MRRF: variants seen among roughly 807,000 people sequenced by gnomAD.
MRRF encodes mitochondrial ribosome recycling factor.
In MRRF, 18 loss-of-function variants were observed where a neutral mutation model predicts 25.1. The ratio of observed to expected loss-of-function variants is 0.72; its 90% CI spans 0.50 to 1.06. The LOEUF (loss-of-function observed/expected upper bound fraction) is 1.06. Ranked by LOEUF, MRRF falls within the 50% of genes least tolerant of loss-of-function variation. The pLI, the probability that MRRF is intolerant of heterozygous loss-of-function variation, is 0.00. For missense variants in MRRF, 323 were observed against 319.3 expected (o/e 1.01, Z -0.09); for synonymous variants, 113 against 112.1 (o/e 1.01, Z -0.05).
At chr9:122,265,501 A>G (rs1291339665) in intron 1 of MRRF, 3 of 344,156 alleles carry the variant, frequency 8.7e-6, no homozygotes, top group East Asian at 7.6e-5. Context: ...ATTTAAGGTC[A>G]CGTGCCTAGG....
rs1836153570 is a variant in MRRF, at chr9:122,326,729, T to C, written c.*4112T>C. On this transcript the variant is annotated 3_prime_UTR_variant, in exon 7 of 7. Coordinates refer to ENST00000344641, the MANE Select transcript of MRRF (RefSeq NM_138777.5). ...TTTCTCCTTCAACCTCAGGCTAACATTTATTGAATGCCTACAGTCGGCCAG... is the reference window on the plus strand; with the variant it reads ...TTTCTCCTTCAACCTCAGGCTAACACTTATTGAATGCCTACAGTCGGCCAG... The C allele has an allele frequency of 6.6e-6, 1 of 152,198 alleles. No individual in the cohort carries two copies. Among genetic ancestry groups the C allele is most frequent in the African/African-American group, 2.4e-5 (1 of 41,432 alleles). 9.4% of individuals were successfully genotyped at this position (152,198 alleles called of 1,614,324 possible). A position where few individuals can be genotyped will look rare whatever the true frequency, so the allele number is the denominator to read the frequency against.
chr9:122,271,077 T>G lies in MRRF; in HGVS notation c.184+2T>G. On this transcript the variant is annotated splice_donor_variant, in intron 2 of 6. Transcript: ENST00000344641. LOFTEE classifies it high-confidence loss of function. ...ATTTTGCTACCAAGAAAGCCAAAGG[T>G]AGAGACATGTGACGTTCTCTCCTAC... is the stretch of plus-strand genomic sequence containing the variant. 6.2e-6 allele frequency: 10 copies of G among 1,613,568 alleles called. No individual in the cohort carries two copies. The highest frequency in any genetic ancestry group is 8.5e-6 in the Non-Finnish European group (10 of 1,179,464).
chr9:122,322,450 TCA>T, intron 6 of MRRF, 88 bp from the exon 7 acceptor site: 1 of 1,158,482 alleles, frequency 8.6e-7, no homozygotes, highest in Non-Finnish European at 1.3e-6. Context: ...TTATTATTTC[TCA>T]CATAACCTTT....
intron 6 of MRRF, among the ~76,000 whole-genome samples, chr9:122,320,741 T>A (rs1835845919): frequency 1.3e-5 from 2 of 152,238 alleles, no homozygotes; most frequent in African/African-American, 4.8e-5. Context: ...TTGCACTAAA[T>A]CCTTTTTAGT....
rs553107965 is a variant in MRRF, at chr9:122,313,759, G to A, written c.711+373G>A. ...CATACTTAGGCAGACGGATTTCAGA[G>A]CCTCTACGCTAATGCTCTCCTGTCT... On this transcript the variant is annotated intron_variant, in intron 6 of 6. Coordinates refer to ENST00000344641, the MANE Select transcript of MRRF (RefSeq NM_138777.5). 6.6e-5 allele frequency among the ~76,000 whole-genome samples: 10 copies of A among 152,312 alleles called. No individual in the cohort carries two copies. In the East Asian group the frequency reaches 1.5e-3, roughly 24 times the overall value.
rs574917903 is a variant in MRRF, at chr9:122,322,555, G to A, written c.727G>A (p.Asp243Asn). 12 of 1,614,108 alleles carry A rather than the reference G, an allele frequency of 7.4e-6. 1 individual carries two copies. The South Asian group carries it at 1.3e-4, about 18-fold the overall frequency. ...GTTCTTGCAGATCAGCCAAATGGCC[G>A]ATGACACAGTGGCAGAACTGGACAG... ...LIEKQISQMA[D>N]DTVAELDRHL... Residue 243 changes from aspartate to asparagine, a missense_variant, in exon 7 of 7, where the codon GAT becomes AAT. Coordinates refer to ENST00000344641, the MANE Select transcript of MRRF (RefSeq NM_138777.5).
In MRRF at chr9:122,280,544, A is replaced by G; in HGVS notation, c.286A>G (p.Ile96Val). ...EEVNEEMKSVIEALKDNFNKT... is the reference protein window; with the variant it reads ...EEVNEEMKSVVEALKDNFNKT... ...GGTGAATGAAGAAATGAAGTCTGTG[A>G]TAGAAGCTCTCAAGGATAATTTCAA... The change falls in exon 3 of 7, where the codon ATA (isoleucine) becomes GTA (valine). Residue 96 changes from isoleucine to valine, a missense_variant. Transcript: ENST00000344641. 1 of 1,614,066 alleles carries G rather than the reference A, an allele frequency of 6.2e-7. No homozygotes were observed. The highest frequency in any genetic ancestry group is 8.5e-7 in the Non-Finnish European group (1 of 1,179,900).
rs34107230 is a variant in MRRF at position 122,303,286 on chromosome 9, T to TTATA, written c.552-9927_552-9924dup. Among the ~76,000 whole-genome samples, 1,204 of 148,402 alleles carry TTATA rather than the reference T, an allele frequency of 8.1e-3. 12 individuals carry two copies. The highest frequency in any genetic ancestry group is 0.027 in the African/African-American group (1,103 of 40,698). ...GAATATGCAAACCTAAATAAATATA[T>TTATA]TATATATATATATATATTTAGTTTA... On this transcript the variant is annotated intron_variant, in intron 5 of 6. Transcript: ENST00000344641.
intron 5 of MRRF, among the ~76,000 whole-genome samples, chr9:122,301,175 C>T (rs1410905608): frequency 2.6e-5 from 4 of 152,052 alleles, no homozygotes; most frequent in Admixed American, 2.6e-4. Flanking sequence ...GTAAAAAAGC[C>T]TTGAGTTATA....
intron 4 of MRRF, among the ~76,000 whole-genome samples, chr9:122,287,692 A>G (rs1833498596): frequency 6.6e-6 from 1 of 152,214 alleles, no homozygotes; most frequent in African/African-American, 2.4e-5. Flanking sequence ...GTTGGGGTAT[A>G]TCTTCATTTT....
intron 5 of MRRF, among the ~76,000 whole-genome samples, chr9:122,310,407 G>A (rs1322167134): frequency 6.6e-6 from 1 of 152,200 alleles, no homozygotes; most frequent in Non-Finnish European, 1.5e-5. Context: ...ATATTTGACT[G>A]GGATGTACCC....
intron 5 of MRRF, among the ~76,000 whole-genome samples, chr9:122,300,687 C>T (rs1390248252): frequency 6.6e-6 from 1 of 152,130 alleles, no homozygotes; most frequent in East Asian, 1.9e-4. Context: ...CCTCACTAAC[C>T]CCCTTCCTGA....
intron 5 of MRRF, among the ~76,000 whole-genome samples, chr9:122,305,122 C>A (rs373777865): frequency 3.3e-5 from 5 of 151,940 alleles, no homozygotes; most frequent in South Asian, 4.1e-4. Flanking sequence ...TTTAAAAAAA[C>A]CTTTGTAGCT....
In MRRF at chr9:122,265,647, T is replaced by C. The variant is rs577856779; in HGVS notation, c.-29+709T>C. On this transcript the variant is annotated intron_variant, in intron 1 of 6. Transcript: ENST00000344641. ...ATGAAAACCTGATCTGACCCCTTCA[T>C]TTTATGGTTGAAACAAAATCTACGT... 2.7e-4 allele frequency: 197 copies of C among 725,774 alleles called. 2 individuals carry two copies. The highest frequency in any genetic ancestry group is 3.7e-4 in the Non-Finnish European group (176 of 475,114). 45.0% of individuals were successfully genotyped at this position (725,774 alleles called of 1,614,324 possible). A position where few individuals can be genotyped will look rare whatever the true frequency, so the allele number is the denominator to read the frequency against.
At chr9:122,318,670 G>A (rs1835687185) in intron 6 of MRRF, among the ~76,000 whole-genome samples, 2 of 152,216 alleles carry the variant, frequency 1.3e-5, no homozygotes, top group Non-Finnish European at 2.9e-5. Flanking sequence ...TAGCAAATGT[G>A]ATGATGATAA....
chr9:122,271,391 A>G (rs1832448802), intron 2 of MRRF, among the ~76,000 whole-genome samples: 1 of 152,236 alleles, frequency 6.6e-6, no homozygotes, highest in African/African-American at 2.4e-5. Flanking sequence ...GCAGGGATCA[A>G]TATATTGTCT....
At chr9:122,317,389 A>G (rs1252804185) in intron 6 of MRRF, among the ~76,000 whole-genome samples, 1 of 152,138 alleles carries the variant, frequency 6.6e-6, no homozygotes, top group African/African-American at 2.4e-5. Flanking sequence ...ACTAAAATCC[A>G]TACATTTCTG....
chr9:122,286,332 G>A (rs1236948987), intron 4 of MRRF, among the ~76,000 whole-genome samples: 2 of 152,192 alleles, frequency 1.3e-5, no homozygotes, highest in African/African-American at 4.8e-5. Context: ...GATAGCTAAT[G>A]GGCCAGGCAC....
chr9:122,291,432 C>T lies in MRRF; in HGVS notation c.460-317C>T, dbSNP rs191158692. ...CCAATCTTTGCAGAGACCAGCCCCC[C>T]TCCCTTGAGGATTTATTGTGGTTTT... On this transcript the variant is annotated intron_variant, in intron 4 of 6. Coordinates refer to ENST00000344641, the MANE Select transcript of MRRF (RefSeq NM_138777.5). 3.3e-5 allele frequency among the ~76,000 whole-genome samples: 5 copies of T among 152,332 alleles called. No individual in the cohort carries two copies. In the East Asian group the frequency reaches 7.7e-4, roughly 23 times the overall value.
Sources: allele counts gnomAD v4.1 joint callset (sites outside exome capture counted in the v4.1 genomes callset), GRCh38; gene constraint gnomAD v4.1.1; transcripts MANE v1.5; gene names NCBI Gene and HGNC (gene_info 2026-07-23, HGNC 2026-07-21).